LRP5: variants seen among roughly 807,000 people sequenced by gnomAD.
The protein encoded by LRP5 is LDL receptor related protein 5.
LRP5 carries 62 observed loss-of-function variants against 154.1 expected under a neutral mutation model. The ratio of observed to expected loss-of-function variants is 0.40; its 90% CI spans 0.33 to 0.50. The LOEUF (loss-of-function observed/expected upper bound fraction) is 0.50. Ranked by LOEUF, LRP5 falls within the 20% of genes least tolerant of loss-of-function variation. The pLI, the probability that LRP5 is intolerant of heterozygous loss-of-function variation, is 0.55. For synonymous variants in LRP5, 966 were observed against 1,011.5 expected (o/e 0.96, Z 0.85); for missense variants, 1,915 against 2,336.7 (o/e 0.82, Z 3.72).
chr11:68,361,832 CAA>C (rs1273349177), intron 3 of LRP5, among the ~76,000 whole-genome samples: 1 of 151,970 alleles, frequency 6.6e-6, no homozygotes. Flanking sequence ...AGAAAACAAA[CAA>C]AAAAGACAAC....
upstream of LRP5, among the ~76,000 whole-genome samples, chr11:68,310,747 CCT>C (rs749733525): frequency 6.9e-6 from 1 of 145,758 alleles, no homozygotes; most frequent in African/African-American, 2.6e-5. Context: ...AGAGTGAGAC[CCT>C]GTCTCAAAAA....
intron 18 of LRP5, among the ~76,000 whole-genome samples, chr11:68,434,397 C>T (rs113061887): frequency 0.027 from 3,353 of 123,660 alleles, 115 homozygotes; most frequent in African/African-American, 0.095. Flanking sequence ...TTCATTCATT[C>T]GAGACAGAGT....
In LRP5 at chr11:68,380,754, C is replaced by T. The variant is rs80060126; in HGVS notation, c.1016-5562C>T. 1.1e-3 allele frequency among the ~76,000 whole-genome samples: 173 copies of T among 152,338 alleles called. 4 individuals are homozygous for T. In the East Asian group the frequency reaches 0.028, roughly 24 times the overall value. On this transcript the variant is annotated intron_variant, in intron 5 of 22. Transcript: ENST00000294304. ...AATGCTGGTGGGTGCCAGGCCTCCA[C>T]GCTCAGATCAGCCCCGGCGACAGGT...
chr11:68,373,261 T>C (rs989987374), intron 5 of LRP5, among the ~76,000 whole-genome samples: 3 of 152,052 alleles, frequency 2.0e-5, no homozygotes, highest in African/African-American at 7.2e-5. Context: ...GCCAGCTGGG[T>C]GTAGGGAGTC....
the LRP5 span, among the ~76,000 whole-genome samples, chr11:68,306,767 A>T: frequency 6.6e-6 from 1 of 152,178 alleles, no homozygotes; most frequent in South Asian, 2.1e-4. Flanking sequence ...TTCACTACTC[A>T]TGTGGGCCTG....
chr11:68,332,582 G>A (rs778022573), intron 1 of LRP5, among the ~76,000 whole-genome samples: 4 of 152,228 alleles, frequency 2.6e-5, no homozygotes, highest in Non-Finnish European at 5.9e-5. Flanking sequence ...GTCACATTCA[G>A]CCAAGTATTC....
chr11:68,302,860 G>C, the LRP5 span, among the ~76,000 whole-genome samples: 48 of 152,314 alleles, frequency 3.2e-4, no homozygotes, highest in African/African-American at 1.1e-3. Context: ...GTGTTCCCGG[G>C]GACCAGATGC....
chr11:68,310,919 G>A (rs575628325), upstream of LRP5, among the ~76,000 whole-genome samples: 1 of 152,000 alleles, frequency 6.6e-6, no homozygotes, highest in Non-Finnish European at 1.5e-5. Context: ...GGTCAAGGAA[G>A]AAGTGTGGTT....
chr11:68,348,881 C>T (rs1261635132), intron 2 of LRP5, among the ~76,000 whole-genome samples: 2 of 151,718 alleles, frequency 1.3e-5, no homozygotes, highest in African/African-American at 2.4e-5. Flanking sequence ...GAGATCGAGG[C>T]TGCAGTGAGC....
intron 21 of LRP5, among the ~76,000 whole-genome samples, chr11:68,444,635 G>C (rs1008618827): frequency 7.2e-6 from 1 of 139,236 alleles, no homozygotes; most frequent in East Asian, 2.1e-4. Context: ...CGTGGTTCAC[G>C]GGACATCTGA....
Position 68,386,404 on chromosome 11 carries a change from G to A in LRP5, c.1104G>A (p.Gln368=), listed in dbSNP as rs1481320311. ...CGGACTTCACCGACATCGTGCTGCA[G>A]GTGGACGACATCCGGCACGCCATTG... is the stretch of plus-strand genomic sequence containing the variant. The part of the protein sequence containing the change: ...DTPDFTDIVL[Q]VDDIRHAIAI... The change falls in exon 6 of 23, where the codon CAG becomes CAA. Residue 368 remains glutamine (Q), a synonymous_variant. Transcript: ENST00000294304. The surrounding 1 kb of genome is among the most constrained non-coding windows in gnomAD (Gnocchi z 7.9). 5 of 1,613,874 alleles carry A rather than the reference G, an allele frequency of 3.1e-6. No homozygotes were observed. Among genetic ancestry groups the A allele is most frequent in the Non-Finnish European group, 4.2e-6 (5 of 1,180,044 alleles).
At chr11:68,393,414 G>A (rs1038537282) in intron 7 of LRP5, among the ~76,000 whole-genome samples, 8 of 152,188 alleles carry the variant, frequency 5.3e-5, no homozygotes, top group Non-Finnish European at 7.4e-5. Context: ...CAGTGGCTGC[G>A]CCGTTCTGCA....
intron 16 of LRP5, 57 bp downstream of exon 16, chr11:68,426,244 G>T (rs949866625): frequency 1.2e-5 from 17 of 1,462,600 alleles, no homozygotes; most frequent in Non-Finnish European, 1.6e-5. Flanking sequence ...GACCCCTGGA[G>T]GAGGCTGGAG....
intron 21 of LRP5, among the ~76,000 whole-genome samples, chr11:68,445,163 G>A (rs1024457140): frequency 3.9e-5 from 6 of 151,984 alleles, no homozygotes; most frequent in South Asian, 2.1e-4. Flanking sequence ...GCAGTGGTGC[G>A]ATCTCAACCC....
intron 1 of LRP5, among the ~76,000 whole-genome samples, chr11:68,316,125 C>T (rs1431788098): frequency 1.3e-5 from 2 of 152,156 alleles, no homozygotes; most frequent in Non-Finnish European, 2.9e-5. Flanking sequence ...CCCTGGTGAA[C>T]ACCAGTCGAC....
chr11:68,373,170 T>A (rs183369695), intron 5 of LRP5, among the ~76,000 whole-genome samples: 21 of 152,124 alleles, frequency 1.4e-4, no homozygotes, highest in Non-Finnish European at 2.4e-4. Flanking sequence ...TGTCTGACCG[T>A]TTATCTTTCA....
rs570754068 is a variant in LRP5 at position 68,436,136 on chromosome 11, C to G, written c.4001-753C>G. On this transcript the variant is annotated intron_variant, in intron 18 of 22. Coordinates refer to ENST00000294304, the MANE Select transcript of LRP5 (RefSeq NM_002335.4). ...TGCCCCGCGGTGCTGGTGGCAGGCC[C>G]TTACGCCGGTTCTGGCTGCATGCTC... 9.2e-5 allele frequency among the ~76,000 whole-genome samples: 14 copies of G among 152,336 alleles called. No individual in the cohort carries two copies. The East Asian group carries it at 2.5e-3, about 27-fold the overall frequency.
rs573990953 is a variant in LRP5, at chr11:68,420,240, C to T, written c.3028-3249C>T. The stretch of plus-strand genomic sequence containing the variant: ...ACACTCCTCATCTCCCTCTGACAGC[C>T]ACCATTCTACTTTGTATCTCTCTCT... On this transcript the variant is annotated intron_variant, in intron 13 of 22. Transcript: ENST00000294304. Among the ~76,000 whole-genome samples, 626 of 152,332 alleles carry T rather than the reference C, an allele frequency of 4.1e-3. 1 individual carries two copies. The highest frequency in any genetic ancestry group is 0.02 in the Middle Eastern group (6 of 294).
chr11:68,405,848 CTG>C (rs2098655363), intron 8 of LRP5, among the ~76,000 whole-genome samples: 1 of 152,236 alleles, frequency 6.6e-6, no homozygotes, highest in African/African-American at 2.4e-5. Context: ...CTGGGAATGT[CTG>C]TGAATCGGAG....
Sources: gnomAD v4.1 joint callset for allele counts (sites outside exome capture counted in the v4.1 genomes callset) on GRCh38, gnomAD v4.1.1 for gene constraint, Gnocchi (gnomAD v3.1) non-coding constraint, MANE v1.5 for transcripts, NCBI Gene and HGNC (gene_info 2026-07-23, HGNC 2026-07-21) for gene names.